The following CDKL1 variants were observed in gnomAD, a reference collection of about 807,000 sequenced individuals.
CDKL1 encodes cyclin-dependent kinase-like 1.
Under a neutral mutation model 42.0 loss-of-function variants are expected in CDKL1, and 41 were observed. That is an observed-to-expected ratio of 0.98 (90% CI 0.76 to 1.27). CDKL1 has a LOEUF of 1.27. Among genes scored for constraint, CDKL1 ranks in the 50% most tolerant of loss-of-function variants. CDKL1 has a pLI of 0.00. For missense variants in CDKL1, 394 were observed against 428.4 expected, an observed-to-expected ratio of 0.92 and a Z score of 0.71; for synonymous variants, 153 against 158.6, an observed-to-expected ratio of 0.96 and a Z score of 0.26.
rs962813004 is a variant in CDKL1 at position 50,326,700 on chromosome 14, G to C, written c.*3374C>G. ...TTTTGCAGATTGCAATATAATAAAGGAAACAGTAAAAACTAGTGGGCTATG... is the reference window on the plus strand; with the variant it reads ...TTTTGCAGATTGCAATATAATAAAGCAAACAGTAAAAACTAGTGGGCTATG... On this transcript the variant is annotated 3_prime_UTR_variant, in exon 10 of 10. Coordinates refer to ENST00000395834, the MANE Select transcript of CDKL1 (RefSeq NM_004196.7). 5 of 985,250 alleles carry C rather than the reference G, an allele frequency of 5.1e-6. No individual in the cohort carries two copies. In the African/African-American group the frequency reaches 8.7e-5, roughly 17 times the overall value. The allele number at this position is 985,250 out of a possible 1,614,324, so 61.0% of individuals were successfully genotyped here. A position where few individuals can be genotyped will look rare whatever the true frequency, so the allele number is the denominator to read the frequency against.
At chr14:50,361,140 C>CA (rs2034235235) in intron 2 of CDKL1, among the ~76,000 whole-genome samples, 2 of 152,264 alleles carry the variant, frequency 1.3e-5, no homozygotes, top group African/African-American at 4.8e-5. Context: ...TAATCATAGA[C>CA]AAGCAGGCTA....
intron 2 of CDKL1, among the ~76,000 whole-genome samples, chr14:50,389,430 T>A (rs1392666285): frequency 6.6e-6 from 1 of 152,128 alleles, no homozygotes. Flanking sequence ...ATACTATATA[T>A]CTGTATATGA....
At chr14:50,353,090 C>G (rs568183955) in intron 3 of CDKL1, among the ~76,000 whole-genome samples, 1 of 152,280 alleles carries the variant, frequency 6.6e-6, no homozygotes, top group African/African-American at 2.4e-5. Flanking sequence ...AGCCTAGAAG[C>G]CATTCTGTCT....
At chr14:50,352,232 G>C (rs1162448269) in intron 3 of CDKL1, among the ~76,000 whole-genome samples, 1 of 152,106 alleles carries the variant, frequency 6.6e-6, no homozygotes. Context: ...TTTTCTGAAA[G>C]AGTTTGGGTA....
At position 50,378,530 on chromosome 14, in the gene CDKL1, A is replaced by C. The variant is rs931365989; in HGVS notation, c.168+17171T>G. The C allele has an allele frequency of 8.0e-6, 8 of 995,216 alleles. No homozygotes were observed. In the African/African-American group the frequency reaches 1.2e-4, roughly 15 times the overall value. The allele number at this position is 995,216 out of a possible 1,614,324, so 61.6% of individuals were successfully genotyped here. ...GACACCTGCAGACAGTTCTTTTTTA[A>C]ATTTTACTTTTATTTTTTATAGAGA... On this transcript the variant is annotated intron_variant, in intron 2 of 9. Coordinates refer to ENST00000395834, the MANE Select transcript of CDKL1 (RefSeq NM_004196.7).
chr14:50,347,846 A>G (rs8008345), intron 3 of CDKL1, among the ~76,000 whole-genome samples: 116,886 of 152,142 alleles, frequency 0.77, 45,686 homozygotes, highest in African/African-American at 0.91. Context: ...CCCACAGAGG[A>G]GCAGAAAGAG....
intron 2 of CDKL1, among the ~76,000 whole-genome samples, chr14:50,379,011 G>A (rs995338048): frequency 5.3e-5 from 8 of 151,970 alleles, no homozygotes; most frequent in Admixed American, 3.3e-4. Flanking sequence ...ACCATCACAC[G>A]CAGCTAATTT....
chr14:50,365,938 G>A lies in CDKL1; in HGVS notation c.169-6789C>T, dbSNP rs116808540. ...TTTTGGACTCTTGGACTTACACAGT[G>A]GTTTGCCACGGGCTCTCCGGCCTTC... On this transcript the variant is annotated intron_variant, in intron 2 of 9. Coordinates refer to ENST00000395834, the MANE Select transcript of CDKL1 (RefSeq NM_004196.7). 4.3e-3 allele frequency among the ~76,000 whole-genome samples: 650 copies of A among 152,308 alleles called. 6 individuals are homozygous for A. The highest frequency in any genetic ancestry group is 0.015 in the African/African-American group (615 of 41,558).
chr14:50,346,048 GTGTTGC>G (rs200034210), intron 3 of CDKL1, among the ~76,000 whole-genome samples: 2,227 of 152,234 alleles, frequency 0.015, 20 homozygotes, highest in Admixed American at 0.022. Flanking sequence ...ACATTCCACA[GTGTTGC>G]TGTGGTCCTC....
At chr14:50,359,619 G>C (rs2034175351) in intron 2 of CDKL1, among the ~76,000 whole-genome samples, 1 of 151,680 alleles carries the variant, frequency 6.6e-6, no homozygotes. Flanking sequence ...AAGTCTTCTG[G>C]TATCAATAGC....
chr14:50,385,114 A>G (rs564907362), intron 2 of CDKL1, among the ~76,000 whole-genome samples: 1 of 146,072 alleles, frequency 6.8e-6, no homozygotes, highest in African/African-American at 2.5e-5. Flanking sequence ...AAAAAGAACC[A>G]TTGGGTGAAA....
intron 2 of CDKL1, among the ~76,000 whole-genome samples, chr14:50,390,936 G>A (rs2035239193): frequency 6.6e-6 from 1 of 152,168 alleles, no homozygotes; most frequent in Non-Finnish European, 1.5e-5. Flanking sequence ...CAGAACTCAG[G>A]TGATCCTCCC....
intron 9 of CDKL1, 200 bp downstream of exon 9, chr14:50,332,062 G>C: frequency 1.3e-6 from 2 of 1,547,028 alleles, no homozygotes; most frequent in Non-Finnish European, 1.7e-6. Context: ...GGAAGCAGCA[G>C]GACAAGGGCA....
intron 2 of CDKL1, among the ~76,000 whole-genome samples, chr14:50,394,933 T>G (rs556405760): frequency 6.6e-6 from 1 of 152,196 alleles, no homozygotes; most frequent in East Asian, 1.9e-4. Context: ...GGCCAGGAAC[T>G]CGAGACCAGC....
intron 2 of CDKL1, among the ~76,000 whole-genome samples, chr14:50,361,063 G>A (rs1164204136): frequency 1.3e-5 from 2 of 152,122 alleles, no homozygotes; most frequent in Non-Finnish European, 2.9e-5. Context: ...GTAGGAATGA[G>A]CCAGGCATAT....
chr14:50,340,874 C>T (rs932828431), intron 6 of CDKL1, among the ~76,000 whole-genome samples, 158 bp downstream of exon 6: 1 of 152,184 alleles, frequency 6.6e-6, no homozygotes, highest in Non-Finnish European at 1.5e-5. Flanking sequence ...ACAAATATGG[C>T]CACCTTTAAT....
At chr14:50,396,903 C>T, upstream of CDKL1, 2 of 256,052 alleles carry the variant, frequency 7.8e-6, no homozygotes, top group Non-Finnish European at 1.4e-5. Flanking sequence ...GCTCGGCCCG[C>T]GATCCCTATG....
intron 9 of CDKL1, 43 bp from the exon 10 acceptor site, chr14:50,330,224 G>C: frequency 1.9e-6 from 3 of 1,576,262 alleles, no homozygotes; most frequent in Non-Finnish European, 2.6e-6. Flanking sequence ...ACTGTGCCAT[G>C]CATTTTTTTC....
At chr14:50,359,409 A>AG (rs2034168651) in intron 2 of CDKL1, among the ~76,000 whole-genome samples, 1 of 151,942 alleles carries the variant, frequency 6.6e-6, no homozygotes, top group South Asian at 2.1e-4. Context: ...ATGAAGAGAG[A>AG]GGGGAGATGG....
Sources: allele counts gnomAD v4.1 joint callset (sites outside exome capture counted in the v4.1 genomes callset), GRCh38; gene constraint gnomAD v4.1.1; transcripts MANE v1.5; gene names NCBI Gene and HGNC (gene_info 2026-07-23, HGNC 2026-07-21).